Variants in SEC63 observed in about 807,000 individuals in gnomAD.
SEC63 encodes translocation protein SEC63 homolog.
Under a neutral mutation model 116.2 loss-of-function variants are expected in SEC63, and 56 were observed. The observed-to-expected ratio is 0.48, with a 90% CI of 0.39 to 0.60. SEC63 has a LOEUF of 0.60. SEC63 is among the 20% of genes least tolerant of loss of function. The pLI, the probability that SEC63 is intolerant of heterozygous loss-of-function variation, is 0.00. For missense variants in SEC63, 668 were observed against 900.0 expected, an observed-to-expected ratio of 0.74 and a Z score of 3.30; for synonymous variants, 273 against 294.6, an observed-to-expected ratio of 0.93 and a Z score of 0.75.
intron 11 of SEC63, 71 bp downstream of exon 11, chr6:107,904,557 TA>T: frequency 8.1e-7 from 1 of 1,231,536 alleles, no homozygotes; most frequent in Non-Finnish European, 1.2e-6. Flanking sequence ...CCATAAATCC[TA>T]AAATATGAAG....
chr6:107,936,209 T>C (rs1770241067), intron 1 of SEC63, among the ~76,000 whole-genome samples: 1 of 152,260 alleles, frequency 6.6e-6, no homozygotes, highest in Non-Finnish European at 1.5e-5. Flanking sequence ...AATGTGTGCA[T>C]GGACCTTGTA....
At chr6:107,926,915 C>T (rs1583762161) in intron 2 of SEC63, among the ~76,000 whole-genome samples, 1 of 152,218 alleles carries the variant, frequency 6.6e-6, no homozygotes, top group Non-Finnish European at 1.5e-5. Flanking sequence ...AAGCCATGCT[C>T]TACAGTTTCC....
rs1291255110 is a variant in SEC63 at position 107,910,471 on chromosome 6, AC to A, written c.624+874del. 6.6e-5 allele frequency among the ~76,000 whole-genome samples: 10 copies of A among 152,118 alleles called. No individual in the cohort carries two copies. In the East Asian group the frequency reaches 1.9e-3, roughly 29 times the overall value. ...ACCTTGTCTCAAAAATAAATAAATA[AC>A]AAAAATAAAATTAAAATGGACAGTT... On this transcript the variant is annotated intron_variant, in intron 7 of 20. Coordinates refer to ENST00000369002, the MANE Select transcript of SEC63 (RefSeq NM_007214.5).
intron 7 of SEC63, 73 bp downstream of exon 7, chr6:107,911,273 T>C (rs1787278007): frequency 2.0e-6 from 2 of 987,024 alleles, no homozygotes; most frequent in Non-Finnish European, 3.2e-6. Context: ...ACATTTAAAA[T>C]GTTATAGGGA....
intron 1 of SEC63, among the ~76,000 whole-genome samples, chr6:107,956,503 T>C (rs1429643452): frequency 6.6e-6 from 1 of 152,126 alleles, no homozygotes; most frequent in South Asian, 2.1e-4. Context: ...ACAATTTAAA[T>C]GCACTTAGGA....
intron 13 of SEC63, among the ~76,000 whole-genome samples, chr6:107,898,795 GTTC>G (rs138009857): frequency 0.042 from 6,430 of 152,084 alleles, 468 homozygotes; most frequent in African/African-American, 0.15. Context: ...ATGTAAGATA[GTTC>G]TTCTTACATG....
In SEC63 at chr6:107,871,308, A is replaced by T. The variant is rs368205255; in HGVS notation, c.*396T>A. 35 of 204,210 alleles carry T rather than the reference A, an allele frequency of 1.7e-4. No individual in the cohort carries two copies. In the East Asian group the frequency reaches 2.8e-3, roughly 16 times the overall value. 12.6% of individuals were successfully genotyped at this position (204,210 alleles called of 1,614,324 possible). A position where few individuals can be genotyped will look rare whatever the true frequency, so the allele number is the denominator to read the frequency against. ...AAACTTGAGCGATGTTACTTAAAAC[A>T]TATTTGTGGTGTTTGCTAAAACTAA... On this transcript the variant is annotated 3_prime_UTR_variant, in exon 21 of 21. Transcript: ENST00000369002.
intron 1 of SEC63, among the ~76,000 whole-genome samples, chr6:107,939,294 AC>A (rs1437967674): frequency 6.6e-6 from 1 of 152,198 alleles, no homozygotes; most frequent in African/African-American, 2.4e-5. Flanking sequence ...AGAAAAAAAA[AC>A]AACTAAAACT....
intron 1 of SEC63, chr6:107,957,188 C>A (rs957818954): frequency 2.0e-5 from 3 of 152,194 alleles, no homozygotes; most frequent in Non-Finnish European, 4.4e-5. Flanking sequence ...AAATTCCCTA[C>A]AAGATTAATT....
intron 1 of SEC63, among the ~76,000 whole-genome samples, chr6:107,956,745 G>C (rs1460867791): frequency 6.6e-6 from 1 of 152,142 alleles, no homozygotes; most frequent in Non-Finnish European, 1.5e-5. Flanking sequence ...GGGGGAAAAA[G>C]AATGTTACAG....
chr6:107,950,078 A>G (rs1296532877), intron 1 of SEC63, among the ~76,000 whole-genome samples: 1 of 152,216 alleles, frequency 6.6e-6, no homozygotes, highest in Non-Finnish European at 1.5e-5. Context: ...AAACAGATTG[A>G]AGGTGAAAGG....
chr6:107,947,216 G>A (rs777534088), intron 1 of SEC63, among the ~76,000 whole-genome samples: 23 of 152,160 alleles, frequency 1.5e-4, no homozygotes, highest in Middle Eastern at 3.4e-3. Context: ...AGGATCACTT[G>A]AGCCTGGGAG....
intron 1 of SEC63, among the ~76,000 whole-genome samples, chr6:107,939,153 C>T (rs73499197): frequency 0.049 from 7,389 of 151,962 alleles, 564 homozygotes; most frequent in African/African-American, 0.16. Context: ...AGTGGTGGTA[C>T]ACACCTACAG....
At chr6:107,908,072 TCA>T (rs1262465081) in intron 8 of SEC63, among the ~76,000 whole-genome samples, 2 of 152,220 alleles carry the variant, frequency 1.3e-5, no homozygotes, top group Non-Finnish European at 2.9e-5. Flanking sequence ...TAAAATCTGT[TCA>T]CACACAGTCA....
intron 10 of SEC63, among the ~76,000 whole-genome samples, chr6:107,905,702 T>C (rs1227931469): frequency 6.6e-6 from 1 of 152,158 alleles, no homozygotes; most frequent in Non-Finnish European, 1.5e-5. Flanking sequence ...GAGGTGTTGG[T>C]TGTTGTGAAA....
chr6:107,904,763 T>C lies in SEC63; in HGVS notation c.962-42A>G, dbSNP rs766610719. On this transcript the variant is annotated intron_variant, in intron 10 of 20. Coordinates refer to ENST00000369002, the MANE Select transcript of SEC63 (RefSeq NM_007214.5). ...AACCTGAAACAGATCATTTTAATTT[T>C]ACAGTTAAAGCATCTTTATCACTGT... 13 of 1,419,906 alleles carry C rather than the reference T, an allele frequency of 9.2e-6. 1 individual carries two copies. In the South Asian group the frequency reaches 1.5e-4, roughly 16 times the overall value. 88.0% of individuals were successfully genotyped at this position (1,419,906 alleles called of 1,614,324 possible).
At chr6:107,948,381 T>C (rs891364411) in intron 1 of SEC63, among the ~76,000 whole-genome samples, 4 of 152,180 alleles carry the variant, frequency 2.6e-5, no homozygotes, top group Non-Finnish European at 5.9e-5. Context: ...GACGCAGTTT[T>C]CTCATGAATA....
At chr6:107,919,012 G>A (rs1307269134) in intron 4 of SEC63, among the ~76,000 whole-genome samples, 4 of 147,268 alleles carry the variant, frequency 2.7e-5, no homozygotes, top group Non-Finnish European at 4.5e-5. Flanking sequence ...CCAGGTTCAA[G>A]TGAGTCTCCT....
intron 1 of SEC63, among the ~76,000 whole-genome samples, chr6:107,955,345 T>C (rs912841422): frequency 2.0e-5 from 3 of 152,168 alleles, no homozygotes; most frequent in Non-Finnish European, 4.4e-5. Flanking sequence ...TGTATTTTTG[T>C]AGAGACGGGG....
Sources: gnomAD v4.1 joint callset for allele counts (sites outside exome capture counted in the v4.1 genomes callset) on GRCh38, gnomAD v4.1.1 for gene constraint, MANE v1.5 for transcripts, NCBI Gene and HGNC (gene_info 2026-07-23, HGNC 2026-07-21) for gene names.